Variants in SNTG1 observed in about 807,000 individuals in gnomAD.
SNTG1 encodes syntrophin gamma 1.
A neutral mutation model predicts 74.7 loss-of-function variants in SNTG1; 39 were observed. The ratio of observed to expected loss-of-function variants is 0.52; its 90% CI spans 0.40 to 0.68. SNTG1 has a LOEUF of 0.68. Among genes scored for constraint, SNTG1 ranks in the 30% least tolerant of loss-of-function variants. The probability of loss-of-function intolerance (pLI) is 0.00; values close to 1 mark genes in which losing one functional copy is unlikely to be tolerated. For missense variants in SNTG1, 685 were observed against 609.5 expected (o/e 1.12, Z -1.30); for synonymous variants, 254 against 217.1 (o/e 1.17, Z -1.49).
chr8:50,243,017 A>C (rs1297073448), intron 2 of SNTG1, among the ~76,000 whole-genome samples: 1 of 152,098 alleles, frequency 6.6e-6, no homozygotes. Flanking sequence ...GTTTTGAAAT[A>C]GTTTTTTGAA....
chr8:49,948,515 T>G (rs1463842334), intron 1 of SNTG1, among the ~76,000 whole-genome samples: 1 of 152,222 alleles, frequency 6.6e-6, no homozygotes, highest in Non-Finnish European at 1.5e-5. Context: ...AGATATTTCT[T>G]CAATTTGAAT....
At chr8:50,779,388 G>GT (rs2095651442) in intron 18 of SNTG1, among the ~76,000 whole-genome samples, 3 of 152,236 alleles carry the variant, frequency 2.0e-5, no homozygotes, top group African/African-American at 7.2e-5. Flanking sequence ...TCGAGCAGTG[G>GT]TTTGTAGTTC....
chr8:50,784,954 C>A (rs141639989), intron 18 of SNTG1, among the ~76,000 whole-genome samples: 1 of 151,376 alleles, frequency 6.6e-6, no homozygotes, highest in Non-Finnish European at 1.5e-5. Flanking sequence ...ACTAAATAAC[C>A]AATGGGTCAA....
At chr8:50,341,509 G>A (rs1165154850) in intron 2 of SNTG1, among the ~76,000 whole-genome samples, 1 of 151,816 alleles carries the variant, frequency 6.6e-6, no homozygotes, top group Non-Finnish European at 1.5e-5. Context: ...CTACTCCTTT[G>A]AATACCTAAT....
chr8:50,190,666 A>T (rs533225139), intron 2 of SNTG1, among the ~76,000 whole-genome samples: 1 of 152,234 alleles, frequency 6.6e-6, no homozygotes, highest in Admixed American at 6.6e-5. Context: ...TGCCTTTTAG[A>T]GGTAAATTGT....
At chr8:50,104,035 G>A (rs1388883405) in intron 1 of SNTG1, among the ~76,000 whole-genome samples, 1 of 152,086 alleles carries the variant, frequency 6.6e-6, no homozygotes, top group Non-Finnish European at 1.5e-5. Flanking sequence ...TTTTGGTTGT[G>A]TCTCTGCCCA....
At chr8:50,710,479 A>G (rs1308492698) in intron 17 of SNTG1, among the ~76,000 whole-genome samples, 1 of 152,220 alleles carries the variant, frequency 6.6e-6, no homozygotes, top group Non-Finnish European at 1.5e-5. Context: ...CACTAACTAG[A>G]AAAGTCAAAG....
chr8:50,448,923 G>A (rs1004055374), intron 5 of SNTG1, among the ~76,000 whole-genome samples: 8 of 152,068 alleles, frequency 5.3e-5, no homozygotes, highest in African/African-American at 1.9e-4. Flanking sequence ...AGCTACTCGG[G>A]AGGCTGAGGC....
intron 2 of SNTG1, among the ~76,000 whole-genome samples, chr8:50,346,025 A>G (rs1234719342): frequency 6.6e-6 from 1 of 152,166 alleles, no homozygotes; most frequent in African/African-American, 2.4e-5. Flanking sequence ...TCATGTCTTA[A>G]TTTATTAACA....
chr8:50,536,597 C>T, intron 10 of SNTG1, 81 bp from the exon 11 acceptor site: 6 of 1,490,656 alleles, frequency 4.0e-6, no homozygotes, highest in Non-Finnish European at 4.5e-6. Flanking sequence ...AAATAATATC[C>T]CCCAGATAAA....
At chr8:50,595,919 T>A (rs932568313) in intron 13 of SNTG1, among the ~76,000 whole-genome samples, 10 of 152,056 alleles carry the variant, frequency 6.6e-5, no homozygotes, top group Admixed American at 2.6e-4. Context: ...GTATTACAGA[T>A]AAAGCTGATA....
At chr8:50,381,506 G>C (rs2092478402) in intron 2 of SNTG1, among the ~76,000 whole-genome samples, 1 of 148,462 alleles carries the variant, frequency 6.7e-6, no homozygotes, top group East Asian at 2.0e-4. Context: ...AACAGAATTA[G>C]TTAACCTATT....
intron 2 of SNTG1, among the ~76,000 whole-genome samples, chr8:50,255,844 G>T (rs978873434): frequency 5.3e-5 from 8 of 152,080 alleles, no homozygotes; most frequent in African/African-American, 1.9e-4. Flanking sequence ...AAGAATTTGG[G>T]GGGTGGGGAG....
chr8:50,090,050 C>T (rs182284209), intron 1 of SNTG1, among the ~76,000 whole-genome samples: 5 of 152,316 alleles, frequency 3.3e-5, no homozygotes, highest in East Asian at 1.9e-4. Context: ...GTAAGAGTGT[C>T]GTCTTCAAGT....
At chr8:50,531,667 G>T (rs895553896) in intron 10 of SNTG1, among the ~76,000 whole-genome samples, 1 of 152,086 alleles carries the variant, frequency 6.6e-6, no homozygotes, top group Admixed American at 6.6e-5. Flanking sequence ...GAGCTCACAG[G>T]GGTGTTTGGC....
At chr8:50,789,081 C>A (rs1015532293) in intron 18 of SNTG1, among the ~76,000 whole-genome samples, 1 of 151,940 alleles carries the variant, frequency 6.6e-6, no homozygotes, top group Non-Finnish European at 1.5e-5. Context: ...AGAAGGATTT[C>A]TTTTCCAAAG....
At chr8:50,033,624 G>A (rs1292804093) in intron 1 of SNTG1, among the ~76,000 whole-genome samples, 1 of 152,054 alleles carries the variant, frequency 6.6e-6, no homozygotes, top group Non-Finnish European at 1.5e-5. Context: ...ATTGTAGATG[G>A]CTGCTTTCTC....
At chr8:50,252,874 G>A (rs528875234) in intron 2 of SNTG1, among the ~76,000 whole-genome samples, 3 of 152,234 alleles carry the variant, frequency 2.0e-5, no homozygotes, top group East Asian at 1.9e-4. Context: ...ATATCAGACA[G>A]TAAAAGACAT....
chr8:50,633,151 A>T (rs557123685), intron 13 of SNTG1, among the ~76,000 whole-genome samples: 2 of 86,298 alleles, frequency 2.3e-5, no homozygotes, highest in Non-Finnish European at 6.6e-5. Flanking sequence ...CTTCCATTTC[A>T]TTGCCTATTA....
Sources: allele counts gnomAD v4.1 joint callset (sites outside exome capture counted in the v4.1 genomes callset), GRCh38; gene constraint gnomAD v4.1.1; transcripts MANE v1.5; gene names NCBI Gene and HGNC (gene_info 2026-07-23, HGNC 2026-07-21).